The following ARHGEF33 variants were observed in gnomAD, a reference collection of about 807,000 sequenced individuals.
ARHGEF33 encodes the protein Rho guanine nucleotide exchange factor 33.
A neutral mutation model predicts 101.9 loss-of-function variants in ARHGEF33; 72 were observed. That is an observed-to-expected ratio of 0.71 (90% CI 0.58 to 0.86). The LOEUF (loss-of-function observed/expected upper bound fraction) is 0.86, where lower values mean the gene tolerates loss of function less well. Among genes scored for constraint, ARHGEF33 ranks in the 40% least tolerant of loss-of-function variants. ARHGEF33 has a pLI of 0.00. For synonymous variants in ARHGEF33, 499 were observed against 442.5 expected (o/e 1.13, Z -1.60); for missense variants, 1,169 against 1,111.3 (o/e 1.05, Z -0.74).
chr2:38,960,063 G>C lies in ARHGEF33; in HGVS notation c.1758G>C (p.Glu586Asp), dbSNP rs997700951. The stretch of plus-strand genomic sequence containing the variant: ...TGGACTTCGAGTCCTCTCCGGCGGA[G>C]CCGCTGGGCAACGTGGAGCGCTCCC... The part of the protein sequence containing the change: ...PEMDFESSPA[E>D]PLGNVERSLR... Residue 586 changes from glutamate to aspartate, a missense_variant, in exon 16 of 18, where the codon GAG becomes GAC. Coordinates refer to ENST00000409978, the MANE Select transcript of ARHGEF33 (RefSeq NM_001145451.5). 90 of 1,542,184 alleles carry C rather than the reference G, an allele frequency of 5.8e-5. No individual in the cohort carries two copies. The highest frequency in any genetic ancestry group is 7.3e-5 in the Non-Finnish European group (84 of 1,143,168).
chr2:38,950,335 A>G (rs1667567018), intron 10 of ARHGEF33, among the ~76,000 whole-genome samples: 2 of 152,196 alleles, frequency 1.3e-5, no homozygotes, highest in Non-Finnish European at 1.5e-5. Flanking sequence ...TTGCACATCA[A>G]ATAGGAATAG....
Position 38,914,903 on chromosome 2 carries a change from TCAAA to T in ARHGEF33, c.-85-4457_-85-4454del, listed in dbSNP as rs371643320. On this transcript the variant is annotated intron_variant, in intron 2 of 17. Coordinates refer to ENST00000409978, the MANE Select transcript of ARHGEF33 (RefSeq NM_001145451.5). ...TGGGGAGGAACACTTTTACCTCTGC[TCAAA>T]CAGCCACAATAAAAACAGTATAAAT... is the stretch of plus-strand genomic sequence containing the variant. Among the ~76,000 whole-genome samples, 378 of 152,238 alleles carry T rather than the reference TCAAA, an allele frequency of 2.5e-3. 4 individuals are homozygous for T. Among genetic ancestry groups the T allele is most frequent in the African/African-American group, 8.5e-3 (355 of 41,562 alleles).
chr2:38,906,201 A>AG (rs1666385240), intron 2 of ARHGEF33, among the ~76,000 whole-genome samples: 1 of 152,028 alleles, frequency 6.6e-6, no homozygotes, highest in Non-Finnish European at 1.5e-5. Flanking sequence ...AAAAAAAAAA[A>AG]AAAAAGAAAA....
intron 17 of ARHGEF33, chr2:38,973,064 A>G (rs1668200937): frequency 1.3e-5 from 2 of 152,280 alleles, no homozygotes; most frequent in African/African-American, 2.4e-5. Flanking sequence ...GGATTACCCA[A>G]GTGGCTTAAG....
chr2:38,912,117 A>G (rs575220982), intron 2 of ARHGEF33, among the ~76,000 whole-genome samples: 59 of 152,300 alleles, frequency 3.9e-4, no homozygotes, highest in South Asian at 2.5e-3. Flanking sequence ...CTCACTTAAC[A>G]TTATTTTCCC....
intron 16 of ARHGEF33, among the ~76,000 whole-genome samples, chr2:38,962,495 G>A (rs3765058): frequency 0.94 from 142,547 of 152,250 alleles, 66,851 homozygotes; most frequent in African/African-American, 0.96. Flanking sequence ...AACAATAACA[G>A]TGTATCAGGA....
chr2:38,949,017 G>C (rs1667523109), intron 10 of ARHGEF33, among the ~76,000 whole-genome samples: 1 of 152,128 alleles, frequency 6.6e-6, no homozygotes, highest in South Asian at 2.1e-4. Flanking sequence ...GAGGTGGAGG[G>C]AGTGGAAGAT....
intron 2 of ARHGEF33, among the ~76,000 whole-genome samples, chr2:38,899,978 C>A (rs1177603998): frequency 1.3e-5 from 2 of 151,798 alleles, no homozygotes; most frequent in African/African-American, 2.4e-5. Context: ...TGCTTGAGGG[C>A]AAGGAGTTGA....
rs1666954833 is a variant in ARHGEF33 at position 38,929,831 on chromosome 2, G to A, written c.362+1G>A. ...GAGAATCTCGAAAAGTTAAAGCCAA[G>A]TGAGTGTCTTTTAAAAATGTACCAA... On this transcript the variant is annotated splice_donor_variant, in intron 6 of 17. Coordinates refer to ENST00000409978, the MANE Select transcript of ARHGEF33 (RefSeq NM_001145451.5). LOFTEE classifies it high-confidence loss of function. 7 of 1,550,872 alleles carry A rather than the reference G, an allele frequency of 4.5e-6. No individual in the cohort carries two copies. Among genetic ancestry groups the A allele is most frequent in the Non-Finnish European group, 4.4e-6 (5 of 1,146,498 alleles).
intron 1 of ARHGEF33, among the ~76,000 whole-genome samples, chr2:38,894,156 CAAAAACAAAAAACA>C (rs978614608): frequency 1.3e-5 from 2 of 151,746 alleles, no homozygotes; most frequent in African/African-American, 2.4e-5. Flanking sequence ...CCATCTCTAC[CAAAAACAAAAAACA>C]AAAAACAAAA....
chr2:38,913,032 C>A (rs1666546750), intron 2 of ARHGEF33, among the ~76,000 whole-genome samples: 1 of 149,982 alleles, frequency 6.7e-6, no homozygotes, highest in Non-Finnish European at 1.5e-5. Context: ...GCTCTGTCAA[C>A]AAATTGTTTT....
intron 1 of ARHGEF33, among the ~76,000 whole-genome samples, chr2:38,891,027 G>A (rs1239779875): frequency 6.7e-6 from 1 of 149,892 alleles, no homozygotes; most frequent in Non-Finnish European, 1.5e-5. Context: ...TTGTCACCTG[G>A]GCTCAAGCAA....
At chr2:38,951,926 C>T (rs1033021559) in intron 11 of ARHGEF33, among the ~76,000 whole-genome samples, 2 of 152,148 alleles carry the variant, frequency 1.3e-5, no homozygotes, top group Admixed American at 6.5e-5. Flanking sequence ...CCTATGGGGC[C>T]AGACAGTGGC....
chr2:38,929,098 G>C, intron 5 of ARHGEF33, 27 bp downstream of exon 5: 1 of 1,531,248 alleles, frequency 6.5e-7, no homozygotes, highest in Non-Finnish European at 8.8e-7. Context: ...TTTCCCTGCT[G>C]ACAAGAGAAT....
chr2:38,967,549 G>T (rs1668075859), intron 17 of ARHGEF33, among the ~76,000 whole-genome samples: 1 of 152,092 alleles, frequency 6.6e-6, no homozygotes, highest in South Asian at 2.1e-4. Context: ...CCTGGAAACA[G>T]ACACCTCTCC....
At chr2:38,935,976 C>A in intron 8 of ARHGEF33, 142 bp downstream of exon 8, 1 of 728,152 alleles carries the variant, frequency 1.4e-6, no homozygotes. Context: ...TACGAAGATT[C>A]CAAGATGTGT....
chr2:38,919,340 T>G, intron 2 of ARHGEF33, 23 bp from the exon 3 acceptor site: 1 of 1,141,902 alleles, frequency 8.8e-7, no homozygotes, highest in Non-Finnish European at 1.3e-6. Context: ...TTGTTATCCC[T>G]TACTCTTGAT....
chr2:38,956,774 T>C lies in ARHGEF33; in HGVS notation c.1222-125T>C, dbSNP rs987926261. 5 of 1,174,212 alleles carry C rather than the reference T, an allele frequency of 4.3e-6. No individual in the cohort carries two copies. In the African/African-American group the frequency reaches 7.7e-5, roughly 18 times the overall value. 72.7% of individuals were successfully genotyped at this position (1,174,212 alleles called of 1,614,324 possible). A position where few individuals can be genotyped will look rare whatever the true frequency, so the allele number is the denominator to read the frequency against. Reference sequence around the variant, plus strand: ...CGTATAATTAGATGGGGGTCATGTGTATTGTTCATTGTTTTGATTAAATGG... The same window carrying C: ...CGTATAATTAGATGGGGGTCATGTGCATTGTTCATTGTTTTGATTAAATGG... On this transcript the variant is annotated intron_variant, in intron 13 of 17. Coordinates refer to ENST00000409978, the MANE Select transcript of ARHGEF33 (RefSeq NM_001145451.5).
At position 38,960,249 on chromosome 2, in the gene ARHGEF33, C is replaced by G. The variant is rs1487235562; in HGVS notation, c.1944C>G (p.Ser648=). The G allele has an allele frequency of 6.5e-7, 1 of 1,548,164 alleles. No homozygotes were observed. Among genetic ancestry groups the G allele is most frequent in the Non-Finnish European group, 8.7e-7 (1 of 1,146,174 alleles). The change falls in exon 16 of 18, where the codon TCC becomes TCG. Residue 648 remains serine (S), a synonymous_variant. Coordinates refer to ENST00000409978, the MANE Select transcript of ARHGEF33 (RefSeq NM_001145451.5). ...ALFENCSPAS[S]ESSLDICFLR... ...TCGAGAACTGCTCGCCTGCCTCCTC[C>G]GAGTCCAGCCTGGACATCTGCTTCC...
Sources: allele counts gnomAD v4.1 joint callset (sites outside exome capture counted in the v4.1 genomes callset), GRCh38; gene constraint gnomAD v4.1.1; transcripts MANE v1.5; gene names NCBI Gene and HGNC (gene_info 2026-07-23, HGNC 2026-07-21).